Variants in RANBP2 observed in about 807,000 individuals in gnomAD.
RANBP2 encodes E3 SUMO-protein ligase RanBP2.
A neutral mutation model predicts 303.6 loss-of-function variants in RANBP2; 57 were observed. That is an observed-to-expected ratio of 0.19 (90% confidence interval 0.15 to 0.23). The LOEUF (loss-of-function observed/expected upper bound fraction) is 0.23. RANBP2 is among the 10% of genes least tolerant of loss of function. The pLI, the probability that RANBP2 is intolerant of heterozygous loss-of-function variation, is 1.00. For missense variants in RANBP2, 3,138 were observed against 3,780.8 expected (o/e 0.83, Z 4.46); for synonymous variants, 1,167 against 1,301.5 (o/e 0.90, Z 2.23).
At chr2:108,975,100 G>A in the RANBP2 span, among the ~76,000 whole-genome samples, 5 of 152,194 alleles carry the variant, frequency 3.3e-5, no homozygotes, top group Non-Finnish European at 5.9e-5. Flanking sequence ...GTGCCACCTG[G>A]GGCGAGTGCA....
the RANBP2 span, among the ~76,000 whole-genome samples, chr2:109,307,549 A>G: frequency 7.1e-6 from 1 of 141,686 alleles, no homozygotes; most frequent in South Asian, 2.4e-4. Context: ...CATTAGGTAT[A>G]TCTCCCAATG....
the RANBP2 span, among the ~76,000 whole-genome samples, chr2:109,571,274 T>C: frequency 6.6e-6 from 1 of 152,226 alleles, no homozygotes; most frequent in Non-Finnish European, 1.5e-5. Flanking sequence ...TTTATAGCAA[T>C]GCGAGAACGG....
the RANBP2 span, among the ~76,000 whole-genome samples, chr2:109,475,294 C>T: frequency 6.6e-6 from 1 of 152,200 alleles, no homozygotes; most frequent in Admixed American, 6.5e-5. Context: ...TATCTTAAAT[C>T]TCCGAGGGCT....
the RANBP2 span, among the ~76,000 whole-genome samples, chr2:109,131,935 A>G: frequency 1.3e-5 from 2 of 152,234 alleles, no homozygotes; most frequent in East Asian, 3.9e-4. Context: ...CTATACTACC[A>G]TGCTGGGATA....
the RANBP2 span, among the ~76,000 whole-genome samples, chr2:109,556,955 G>A: frequency 1.2e-4 from 18 of 152,088 alleles, no homozygotes; most frequent in Admixed American, 4.6e-4. Context: ...CTCACTCATA[G>A]ATGGGAATTC....
chr2:109,325,331 C>CTTTTTTTTTTTTT, the RANBP2 span, among the ~76,000 whole-genome samples: 3 of 66,272 alleles, frequency 4.5e-5, no homozygotes, highest in South Asian at 7.1e-4. Flanking sequence ...TTCTTTCTTT[C>CTTTTTTTTTTTTT]TTTTTTTTTT....
At position 108,784,738 on chromosome 2, in the gene RANBP2, C is replaced by T. The variant is rs1372303656; in HGVS notation, c.*837C>T. 6.6e-6 allele frequency: 1 copy of T among 152,558 alleles called. No individual in the cohort carries two copies. The highest frequency in any genetic ancestry group is 2.4e-5 in the African/African-American group (1 of 41,422). The allele number at this position is 152,558 out of a possible 1,614,324, so 9.5% of individuals were successfully genotyped here. A position where few individuals can be genotyped will look rare whatever the true frequency, so the allele number is the denominator to read the frequency against. ...AGATTTGCTTTATACAAGATTGTTG[C>T]AGTACCTTTTTCTGGTAAATTTTGT... On this transcript the variant is annotated 3_prime_UTR_variant, in exon 29 of 29. Transcript: ENST00000283195.
At chr2:109,599,195 C>T in the RANBP2 span, among the ~76,000 whole-genome samples, 1 of 152,158 alleles carries the variant, frequency 6.6e-6, no homozygotes, top group East Asian at 1.9e-4. Flanking sequence ...CGGTGGCTCA[C>T]ACCTGTAACC....
the RANBP2 span, among the ~76,000 whole-genome samples, chr2:109,201,623 A>C: frequency 1.3e-5 from 2 of 152,162 alleles, no homozygotes; most frequent in Non-Finnish European, 2.9e-5. Flanking sequence ...CTCTCACAGC[A>C]TGGCCTTCGT....
chr2:109,106,633 A>C, the RANBP2 span, among the ~76,000 whole-genome samples: 1 of 152,036 alleles, frequency 6.6e-6, no homozygotes, highest in Non-Finnish European at 1.5e-5. Flanking sequence ...TCAGGAGATC[A>C]AGACCATCCT....
the RANBP2 span, among the ~76,000 whole-genome samples, chr2:109,601,143 T>C: frequency 6.6e-6 from 1 of 152,204 alleles, no homozygotes; most frequent in Admixed American, 6.5e-5. Flanking sequence ...CTGGTATCAA[T>C]TAACTTTCAG....
At chr2:108,727,990 T>C (rs1368611040) in intron 1 of RANBP2, among the ~76,000 whole-genome samples, 1 of 152,210 alleles carries the variant, frequency 6.6e-6, no homozygotes, top group Non-Finnish European at 1.5e-5. Flanking sequence ...GAATTCAATA[T>C]TTATTTCTGC....
At chr2:109,386,389 G>C in the RANBP2 span, among the ~76,000 whole-genome samples, 1 of 152,148 alleles carries the variant, frequency 6.6e-6, no homozygotes, top group Non-Finnish European at 1.5e-5. Flanking sequence ...AAACACCAGG[G>C]GGCCGCTATG....
At chr2:109,371,692 G>T in the RANBP2 span, 1 of 1,611,902 alleles carries the variant, frequency 6.2e-7, no homozygotes, top group Non-Finnish European at 8.5e-7. Flanking sequence ...GTAAGACCGT[G>T]CCGCCCTCCC....
At chr2:109,678,751 A>G in the RANBP2 span, among the ~76,000 whole-genome samples, 3 of 152,098 alleles carry the variant, frequency 2.0e-5, no homozygotes, top group Non-Finnish European at 4.4e-5. Flanking sequence ...ACATGGGAGA[A>G]GGTTCGCAGG....
chr2:109,252,095 A>AAAT, the RANBP2 span, among the ~76,000 whole-genome samples: 113,858 of 151,432 alleles, frequency 0.75, 43,334 homozygotes, highest in East Asian at 0.89. Context: ...AAAAATACAA[A>AAAT]TAGCTGAGTG....
the RANBP2 span, among the ~76,000 whole-genome samples, chr2:108,843,889 T>TC: frequency 7.0e-3 from 860 of 122,090 alleles, 27 homozygotes; most frequent in Admixed American, 0.019. Context: ...TTTCTTTCTT[T>TC]TTTTTTTTTT....
chr2:108,798,391 CTT>C, the RANBP2 span: 2 of 1,582,148 alleles, frequency 1.3e-6, no homozygotes, highest in Non-Finnish European at 1.7e-6. Flanking sequence ...GAATTTGTGA[CTT>C]TTCAAGAGCA....
the RANBP2 span, among the ~76,000 whole-genome samples, chr2:109,354,537 T>C: frequency 6.6e-6 from 1 of 152,210 alleles, no homozygotes. Context: ...TGGATGTGGG[T>C]TTATCCAGAG....
Sources: allele counts gnomAD v4.1 joint callset (sites outside exome capture counted in the v4.1 genomes callset), GRCh38; gene constraint gnomAD v4.1.1; transcripts MANE v1.5; gene names NCBI Gene and HGNC (gene_info 2026-07-23, HGNC 2026-07-21).